TTC17: variants seen among roughly 807,000 people sequenced by gnomAD.
The protein encoded by TTC17 is tetratricopeptide repeat domain 17.
TTC17 carries 58 observed loss-of-function variants against 143.8 expected under a neutral mutation model. The observed-to-expected ratio is 0.40, with a 90% CI of 0.33 to 0.50. TTC17 has a LOEUF of 0.50. Ranked by LOEUF, TTC17 falls within the 20% of genes least tolerant of loss-of-function variation. TTC17 has a pLI of 0.49. For synonymous variants in TTC17, 501 were observed against 497.8 expected (o/e 1.01, Z -0.09); for missense variants, 1,273 against 1,392.5 (o/e 0.91, Z 1.37).
intron 16 of TTC17, among the ~76,000 whole-genome samples, chr11:43,437,513 T>C (rs973216703): frequency 6.6e-6 from 1 of 152,222 alleles, no homozygotes; most frequent in African/African-American, 2.4e-5. Context: ...TCCAAAGAGT[T>C]GTTTCTAAAA....
At chr11:43,391,602 TTTTTTTTGCG>T (rs1565140765) in intron 4 of TTC17, 26 bp downstream of exon 4, 3 of 1,329,790 alleles carry the variant, frequency 2.3e-6, no homozygotes, top group Non-Finnish European at 3.0e-6. Flanking sequence ...TAGGATTTTT[TTTTTTTTGCG>T]TTGCGTTCTT....
intron 21 of TTC17, among the ~76,000 whole-genome samples, chr11:43,452,368 C>CA (rs1947677695): frequency 6.6e-6 from 1 of 152,104 alleles, no homozygotes; most frequent in Non-Finnish European, 1.5e-5. Context: ...GGTGCGGTGG[C>CA]ACGCACCTGT....
chr11:43,422,591 A>G (rs1685628901), intron 16 of TTC17, among the ~76,000 whole-genome samples: 1 of 152,356 alleles, frequency 6.6e-6, no homozygotes, highest in Non-Finnish European at 1.5e-5. Flanking sequence ...GTAAGCTAGT[A>G]GAAAAACCAT....
chr11:43,439,365 G>A (rs949529956), intron 16 of TTC17, among the ~76,000 whole-genome samples: 1 of 152,136 alleles, frequency 6.6e-6, no homozygotes, highest in South Asian at 2.1e-4. Flanking sequence ...AAAGTGAGGT[G>A]CACAGACTTA....
At chr11:43,425,476 C>G (rs78713996) in intron 16 of TTC17, among the ~76,000 whole-genome samples, 6,771 of 152,086 alleles carry the variant, frequency 0.045, 229 homozygotes, top group African/African-American at 0.098. Flanking sequence ...TAGTTTTAGA[C>G]TATTTTTTTA....
intron 2 of TTC17, among the ~76,000 whole-genome samples, 181 bp downstream of exon 2, chr11:43,379,503 A>G (rs1424597008): frequency 6.6e-6 from 1 of 151,890 alleles, no homozygotes; most frequent in Non-Finnish European, 1.5e-5. Context: ...CATTTTATCA[A>G]AGTGATATTT....
rs201106568 is a variant in TTC17 at position 43,404,106 on chromosome 11, A to G, written c.1441A>G (p.Ile481Val). ...SVKSSPVAHSILWIWGRDSDA... is the reference protein window; with the variant it reads ...SVKSSPVAHSVLWIWGRDSDA... ...CAAGTCTTCTCCCGTAGCCCATTCT[A>G]TTCTCTGGATTTGGGGCAGGGACTC... is the stretch of plus-strand genomic sequence containing the variant. The change falls in exon 11 of 24, where the codon ATT becomes GTT. Residue 481 changes from isoleucine to valine, a missense_variant. Ile to Val is a conservative substitution (Grantham distance 29). Transcript: ENST00000039989. 266 of 1,612,950 alleles carry G rather than the reference A, an allele frequency of 1.6e-4. 1 individual carries two copies. The highest frequency in any genetic ancestry group is 2.2e-5 in the Non-Finnish European group (26 of 1,179,554).
intron 21 of TTC17, among the ~76,000 whole-genome samples, chr11:43,481,454 T>C (rs1169251762): frequency 1.7e-4 from 26 of 152,162 alleles, no homozygotes; most frequent in Admixed American, 1.7e-3. Flanking sequence ...TGAAAAAGTC[T>C]GTAGAGAATT....
At chr11:43,414,085 T>C (rs1389158763) in intron 15 of TTC17, among the ~76,000 whole-genome samples, 1 of 152,162 alleles carries the variant, frequency 6.6e-6, no homozygotes, top group African/African-American at 2.4e-5. Flanking sequence ...GTTAGAACAT[T>C]ACACATCAGC....
intron 21 of TTC17, among the ~76,000 whole-genome samples, chr11:43,482,686 T>A (rs917757462): frequency 6.6e-6 from 1 of 152,154 alleles, no homozygotes; most frequent in Admixed American, 6.5e-5. Context: ...TTTAGAAATA[T>A]CAGTTAGGTT....
At chr11:43,449,813 G>T in intron 19 of TTC17, 1 of 384,936 alleles carries the variant, frequency 2.6e-6, no homozygotes, top group Non-Finnish European at 4.7e-6. Context: ...CTAAGCTTTA[G>T]GTAACTTTTT....
At chr11:43,487,424 G>T (rs1948401441) in intron 21 of TTC17, among the ~76,000 whole-genome samples, 1 of 152,176 alleles carries the variant, frequency 6.6e-6, no homozygotes, top group South Asian at 2.1e-4. Flanking sequence ...GAGATTACAG[G>T]TGTGGGCCAC....
intron 2 of TTC17, among the ~76,000 whole-genome samples, chr11:43,384,225 A>G (rs983608911): frequency 2.0e-5 from 3 of 152,180 alleles, no homozygotes; most frequent in African/African-American, 7.2e-5. Context: ...GAACATAGAA[A>G]AAGTATCTAC....
At chr11:43,435,068 CAGATA>C (rs950271131) in intron 16 of TTC17, 5 of 144,218 alleles carry the variant, frequency 3.5e-5, no homozygotes, top group African/African-American at 1.0e-4. Context: ...TCTGTACACA[CAGATA>C]AGATGATAGA....
rs565359486 is a variant in TTC17 at position 43,359,305 on chromosome 11, C to T, written c.159+192C>T. The T allele has an allele frequency of 2.3e-5, 16 of 684,134 alleles. No individual in the cohort carries two copies. In the Admixed American group the frequency reaches 6.4e-4, roughly 27 times the overall value. 42.4% of individuals were successfully genotyped at this position (684,134 alleles called of 1,614,324 possible). The stretch of plus-strand genomic sequence containing the variant: ...TCCCGCTCCCCACTTGTCTCCTGGT[C>T]CTCGTTTGGCCCCCTAGAAGTTCTC... On this transcript the variant is annotated intron_variant, in intron 1 of 23. Transcript: ENST00000039989.
intron 10 of TTC17, among the ~76,000 whole-genome samples, chr11:43,402,321 A>C (rs1022434440): frequency 6.6e-6 from 1 of 152,186 alleles, no homozygotes; most frequent in African/African-American, 2.4e-5. Flanking sequence ...CAGTCCAATT[A>C]TATTGCCTCA....
At chr11:43,434,189 ACAC>A (rs1306678048) in intron 16 of TTC17, among the ~76,000 whole-genome samples, 1 of 64,336 alleles carries the variant, frequency 1.6e-5, no homozygotes, top group Non-Finnish European at 3.5e-5. Context: ...ACACACACAC[ACAC>A]ACACACACAC....
At chr11:43,411,034 T>C (rs1227797552) in intron 15 of TTC17, among the ~76,000 whole-genome samples, 1 of 152,228 alleles carries the variant, frequency 6.6e-6, no homozygotes, top group Non-Finnish European at 1.5e-5. Flanking sequence ...CCCAGTCTGT[T>C]CTCATACAGC....
chr11:43,419,040 A>T (rs1946841402), intron 16 of TTC17, among the ~76,000 whole-genome samples: 1 of 152,162 alleles, frequency 6.6e-6, no homozygotes, highest in Non-Finnish European at 1.5e-5. Flanking sequence ...TATGTATTAG[A>T]ATTTTATGCC....
Sources: allele counts gnomAD v4.1 joint callset (sites outside exome capture counted in the v4.1 genomes callset), GRCh38; gene constraint gnomAD v4.1.1; transcripts MANE v1.5; gene names NCBI Gene and HGNC (gene_info 2026-07-23, HGNC 2026-07-21).